Variants in NRXN1 observed in about 807,000 individuals in gnomAD.
NRXN1 encodes the protein neurexin 1.
NRXN1 carries 39 observed loss-of-function variants against 150.9 expected under a neutral mutation model. The ratio of observed to expected loss-of-function variants is 0.26; its 90% confidence interval spans 0.20 to 0.34. NRXN1 has a LOEUF of 0.34. Ranked by LOEUF, NRXN1 falls within the 10% of genes least tolerant of loss-of-function variation. The pLI, the probability that NRXN1 is intolerant of heterozygous loss-of-function variation, is 1.00. For missense variants in NRXN1, 1,815 were observed against 1,949.9 expected (o/e 0.93, Z 1.30); for synonymous variants, 924 against 757.0 (o/e 1.22, Z -3.62).
chr2:50,814,108 C>T (rs4971566), intron 5 of NRXN1, among the ~76,000 whole-genome samples: 14,265 of 152,124 alleles, frequency 0.094, 775 homozygotes, highest in Admixed American at 0.13. Context: ...AATGCAGCAG[C>T]CACGCATTTC....
chr2:50,876,526 C>T (rs1197742051), intron 5 of NRXN1, among the ~76,000 whole-genome samples: 1 of 151,802 alleles, frequency 6.6e-6, no homozygotes, highest in Non-Finnish European at 1.5e-5. Flanking sequence ...AAAATAAGGA[C>T]ATTCACCTTT....
chr2:50,146,498 C>A (rs906674364), intron 18 of NRXN1, among the ~76,000 whole-genome samples: 2 of 151,558 alleles, frequency 1.3e-5, no homozygotes, highest in African/African-American at 4.8e-5. Context: ...TAGAGTAATG[C>A]TAAATATTTA....
At chr2:50,121,264 G>A (rs1044509125) in intron 18 of NRXN1, among the ~76,000 whole-genome samples, 12 of 151,962 alleles carry the variant, frequency 7.9e-5, no homozygotes, top group South Asian at 2.1e-4. Context: ...CTTAAGATCC[G>A]CCTGCCTCAG....
intron 5 of NRXN1, among the ~76,000 whole-genome samples, chr2:50,775,418 G>C (rs1281470299): frequency 1.3e-5 from 2 of 152,054 alleles, no homozygotes; most frequent in South Asian, 2.1e-4. Flanking sequence ...GATGAATTTA[G>C]ATTCTATTCA....
At chr2:50,460,558 T>C (rs1371442337) in intron 17 of NRXN1, among the ~76,000 whole-genome samples, 1 of 152,070 alleles carries the variant, frequency 6.6e-6, no homozygotes, top group Admixed American at 6.6e-5. Context: ...AATGCTTCCA[T>C]TTATGCATCT....
At chr2:50,582,361 G>A (rs1014014039) in intron 8 of NRXN1, among the ~76,000 whole-genome samples, 4 of 150,932 alleles carry the variant, frequency 2.7e-5, no homozygotes, top group Non-Finnish European at 2.9e-5. Context: ...CTCACCTGTG[G>A]TCCCAGCTAC....
intron 17 of NRXN1, among the ~76,000 whole-genome samples, chr2:50,374,725 C>G (rs1339792262): frequency 6.6e-6 from 1 of 152,054 alleles, no homozygotes; most frequent in African/African-American, 2.4e-5. Flanking sequence ...AAATTTTTAA[C>G]AGTTAATATC....
intron 10 of NRXN1, among the ~76,000 whole-genome samples, chr2:50,537,610 CT>C (rs1470258393): frequency 4.6e-5 from 7 of 152,194 alleles, no homozygotes; most frequent in Non-Finnish European, 7.3e-5. Flanking sequence ...ATAGGCACAG[CT>C]AAGTCTTAAC....
intron 5 of NRXN1, among the ~76,000 whole-genome samples, chr2:50,802,540 A>G (rs924065119): frequency 1.4e-4 from 21 of 147,208 alleles, no homozygotes; most frequent in African/African-American, 4.3e-4. Context: ...GAAGGAAGGA[A>G]GGAAGGAAGG....
At chr2:50,545,535 G>C (rs923968623) in intron 9 of NRXN1, among the ~76,000 whole-genome samples, 5 of 152,034 alleles carry the variant, frequency 3.3e-5, no homozygotes, top group African/African-American at 1.2e-4. Flanking sequence ...TTCAGAGGGC[G>C]GTTTCATTTC....
chr2:50,009,998 C>T (rs1307986899), intron 21 of NRXN1, among the ~76,000 whole-genome samples: 1 of 152,082 alleles, frequency 6.6e-6, no homozygotes, highest in Admixed American at 6.6e-5. Context: ...TATATTTTTG[C>T]ACTCTCTTTA....
At chr2:50,010,286 T>C (rs760037143) in intron 21 of NRXN1, among the ~76,000 whole-genome samples, 1 of 152,134 alleles carries the variant, frequency 6.6e-6, no homozygotes, top group African/African-American at 2.4e-5. Context: ...GCCGAGATAA[T>C]TTCTGTCCCA....
intron 8 of NRXN1, among the ~76,000 whole-genome samples, chr2:50,579,675 T>C (rs969145398): frequency 1.3e-5 from 2 of 152,140 alleles, no homozygotes; most frequent in Non-Finnish European, 2.9e-5. Context: ...ATATATATTT[T>C]GGAGTGTGAG....
chr2:50,941,809 G>A (rs1430583991), intron 2 of NRXN1, among the ~76,000 whole-genome samples: 1 of 152,214 alleles, frequency 6.6e-6, no homozygotes, highest in East Asian at 1.9e-4. Context: ...CCATGTGGTA[G>A]AAGACAAAAA....
At chr2:50,955,362 G>T (rs1692113464) in intron 2 of NRXN1, among the ~76,000 whole-genome samples, 1 of 152,156 alleles carries the variant, frequency 6.6e-6, no homozygotes, top group African/African-American at 2.4e-5. Flanking sequence ...AATTACAGAG[G>T]AGTGAGTTAA....
At position 50,122,749 on chromosome 2, in the gene NRXN1, T is replaced by C. The variant is rs573556452; in HGVS notation, c.3547-31255A>G. ...TTCTTTTCAAAAATGGGAACGAGTG[T>C]ATTCTTGCTATACTTTTTTCCAAAT... is the stretch of plus-strand genomic sequence containing the variant. On this transcript the variant is annotated intron_variant, in intron 18 of 22. Transcript: ENST00000401669. Among the ~76,000 whole-genome samples the C allele has an allele frequency of 1.5e-4, 23 of 152,342 alleles. No homozygotes were observed. The South Asian group carries it at 4.6e-3, about 30-fold the overall frequency.
At chr2:50,510,184 A>AT (rs2092396321) in intron 12 of NRXN1, among the ~76,000 whole-genome samples, 1 of 152,130 alleles carries the variant, frequency 6.6e-6, no homozygotes, top group Non-Finnish European at 1.5e-5. Flanking sequence ...TATTTTAAAG[A>AT]CTTTTAAGAA....
intron 14 of NRXN1, among the ~76,000 whole-genome samples, 171 bp from the exon 15 acceptor site, chr2:50,496,266 G>A (rs1240295624): frequency 6.6e-6 from 1 of 152,180 alleles, no homozygotes; most frequent in Non-Finnish European, 1.5e-5. Flanking sequence ...ACACTATTCT[G>A]TTTCAGCAAA....
intron 17 of NRXN1, among the ~76,000 whole-genome samples, chr2:50,445,044 G>C (rs559278056): frequency 4.6e-5 from 7 of 152,194 alleles, no homozygotes; most frequent in Admixed American, 3.9e-4. Flanking sequence ...CCCGTAACTT[G>C]TTCCTGCTGC....
Sources: allele counts gnomAD v4.1 joint callset (sites outside exome capture counted in the v4.1 genomes callset), GRCh38; gene constraint gnomAD v4.1.1; transcripts MANE v1.5; gene names NCBI Gene and HGNC (gene_info 2026-07-23, HGNC 2026-07-21).